The following BRF1 variants were observed in gnomAD, a reference collection of about 807,000 sequenced individuals.
The protein encoded by BRF1 is BRF1 general transcription factor IIIB subunit.
A neutral mutation model predicts 81.7 loss-of-function variants in BRF1; 59 were observed. The observed-to-expected ratio is 0.72, with a 90% CI of 0.59 to 0.90. BRF1 has a LOEUF of 0.90. Ranked by LOEUF, BRF1 falls within the 40% of genes least tolerant of loss-of-function variation. BRF1 has a pLI of 0.00. For synonymous variants in BRF1, 491 were observed against 395.6 expected, an observed-to-expected ratio of 1.24 and a Z score of -2.86; for missense variants, 1,050 against 936.3, an observed-to-expected ratio of 1.12 and a Z score of -1.58.
In BRF1 at chr14:105,269,460, C is replaced by T. The variant is rs79071826; in HGVS notation, c.439+3261G>A. Among the ~76,000 whole-genome samples the T allele has an allele frequency of 2.2e-3, 328 of 152,230 alleles. No individual in the cohort carries two copies. Among genetic ancestry groups the T allele is most frequent in the Non-Finnish European group, 3.5e-3 (238 of 68,006 alleles). On this transcript the variant is annotated intron_variant, in intron 3 of 17. Coordinates refer to ENST00000547530, the MANE Select transcript of BRF1 (RefSeq NM_001519.4). The surrounding 1 kb of genome is among the most constrained non-coding windows in gnomAD (Gnocchi z 5.0). ...CACAGTGCACCGGGCAGTGGGTTTTCGTAAATCCCCAGAGCTGAGCAACCA... is the reference window on the plus strand; with the variant it reads ...CACAGTGCACCGGGCAGTGGGTTTTTGTAAATCCCCAGAGCTGAGCAACCA...
rs931009943 is a variant in BRF1 at position 105,226,348 on chromosome 14, C to T, written c.916-58G>A. ...GGGAGGCCCTGGTGCACAGCGCAGC[C>T]TCTGGGGTGCCGCGTGGGCCCCAGG... On this transcript the variant is annotated intron_variant, in intron 8 of 17. Coordinates refer to ENST00000547530, the MANE Select transcript of BRF1 (RefSeq NM_001519.4). 1.9e-6 allele frequency: 3 copies of T among 1,609,786 alleles called. No individual in the cohort carries two copies. The Admixed American group carries it at 5.0e-5, about 27-fold the overall frequency.
chr14:105,225,635 G>C (rs747627107), intron 10 of BRF1, among the ~76,000 whole-genome samples: 2 of 147,820 alleles, frequency 1.4e-5, no homozygotes, highest in Non-Finnish European at 3.0e-5. Context: ...GTCTTTTGTA[G>C]GGGAAACTTA....
chr14:105,219,876 C>A, intron 12 of BRF1, 193 bp downstream of exon 12: 2 of 644,572 alleles, frequency 3.1e-6, no homozygotes, highest in Non-Finnish European at 5.3e-6. Context: ...AGGCCGCCCC[C>A]GAGCCGACAC....
In BRF1 at chr14:105,243,454, T is replaced by TA. The variant is rs1286861012; in HGVS notation, c.545-2041dup. 3.5e-3 allele frequency among the ~76,000 whole-genome samples: 443 copies of TA among 125,372 alleles called. 7 individuals carry two copies. The highest frequency in any genetic ancestry group is 0.011 in the East Asian group (53 of 4,636). 82.2% of individuals were successfully genotyped at this position (125,372 alleles called of 152,430 possible). ...GACAGAGCAGCAAGACTCTGTCTCT[T>TA]AAAAAAAAAAAAATAAAAATAAAAA... On this transcript the variant is annotated intron_variant, in intron 5 of 17. Transcript: ENST00000547530.
chr14:105,269,760 C>G lies in BRF1; in HGVS notation c.439+2961G>C, dbSNP rs587641938. Among the ~76,000 whole-genome samples, 4 of 152,176 alleles carry G rather than the reference C, an allele frequency of 2.6e-5. No individual in the cohort carries two copies. Among genetic ancestry groups the G allele is most frequent in the Middle Eastern group, 3.2e-3 (1 of 316 alleles). Reference sequence around the variant, plus strand: ...CATGTCCCAGGGCATCTGTCCCCCCCACAGGAGGCCCAGTGAGGCAGCAGC... The same window carrying G: ...CATGTCCCAGGGCATCTGTCCCCCCGACAGGAGGCCCAGTGAGGCAGCAGC... On this transcript the variant is annotated intron_variant, in intron 3 of 17. Transcript: ENST00000547530. This position sits in a 1 kb window ranked among gnomAD's most constrained non-coding sequence, Gnocchi z 5.0.
Position 105,229,258 on chromosome 14 carries a change from G to A in BRF1, c.695-345C>T, listed in dbSNP as rs776423802. Among the ~76,000 whole-genome samples, 16 of 152,340 alleles carry A rather than the reference G, an allele frequency of 1.1e-4. No individual in the cohort carries two copies. The East Asian group carries it at 1.5e-3, about 15-fold the overall frequency. On this transcript the variant is annotated intron_variant, in intron 6 of 17. Coordinates refer to ENST00000547530, the MANE Select transcript of BRF1 (RefSeq NM_001519.4). ...TGGGAGCTGGGGACTCTGAGGATGCGGAGCCAGGCTGGGCAGGAAAGGGGC... is the reference window on the plus strand; with the variant it reads ...TGGGAGCTGGGGACTCTGAGGATGCAGAGCCAGGCTGGGCAGGAAAGGGGC...
Position 105,296,355 on chromosome 14 carries a change from T to C in BRF1, c.184+4091A>G, listed in dbSNP as rs587685820. Among the ~76,000 whole-genome samples, 5 of 151,710 alleles carry C rather than the reference T, an allele frequency of 3.3e-5. No homozygotes were observed. In the East Asian group the frequency reaches 9.7e-4, roughly 30 times the overall value. On this transcript the variant is annotated intron_variant, in intron 1 of 17. Coordinates refer to ENST00000547530, the MANE Select transcript of BRF1 (RefSeq NM_001519.4). ...CATGTAACCCCGCCTCTGCTAAAAATACAAAAAATTAGCCGGGCGTGGTGC... is the reference window on the plus strand; with the variant it reads ...CATGTAACCCCGCCTCTGCTAAAAACACAAAAAATTAGCCGGGCGTGGTGC...
chr14:105,228,868 T>A lies in BRF1; in HGVS notation c.740A>T (p.Lys247Met), dbSNP rs1705675660. 1.2e-6 allele frequency: 2 copies of A among 1,613,774 alleles called. No homozygotes were observed. The highest frequency in any genetic ancestry group is 1.7e-5 in the Admixed American group (1 of 60,010). The change falls in exon 7 of 18, where the codon AAG (lysine) becomes ATG (methionine). Residue 247 changes from lysine (K) to methionine (M), a missense_variant. Lys to Met is a moderately conservative substitution (Grantham distance 95). This residue lies in a region of BRF1 where 1,043 missense variants were observed against 915.4 expected (regional missense o/e 1.14). Transcript: ENST00000547530. ...ARMHDFRRTV[K>M]EVISVVKVCE... ...CACTTTGACCACACTGATGACCTCC[T>A]TCACAGTCCTCCTGAAGTCATGCAT...
At chr14:105,273,402 C>T (rs1429602916) in intron 2 of BRF1, among the ~76,000 whole-genome samples, 2 of 152,238 alleles carry the variant, frequency 1.3e-5, no homozygotes, top group African/African-American at 2.4e-5. Flanking sequence ...TAAGAGCCAG[C>T]CACCCGGCCT....
chr14:105,282,008 C>T (rs2057126263), intron 2 of BRF1, among the ~76,000 whole-genome samples: 1 of 152,084 alleles, frequency 6.6e-6, no homozygotes, highest in Non-Finnish European at 1.5e-5. Context: ...TGAAGAGAGC[C>T]CCACCTAGCG....
In BRF1 at chr14:105,273,028, T is replaced by C. The variant is rs746585894; in HGVS notation, c.266-134A>G. On this transcript the variant is annotated intron_variant, in intron 2 of 17. Transcript: ENST00000547530. ...TAAGTTTCTGAGCTCACTTTTTATA[T>C]GTGGGTTCCAATCACTTTTTATTTA... The C allele has an allele frequency of 2.9e-5, 29 of 1,015,312 alleles. No individual in the cohort carries two copies. In the Middle Eastern group the frequency reaches 8.2e-4, roughly 29 times the overall value. 62.9% of individuals were successfully genotyped at this position (1,015,312 alleles called of 1,614,324 possible). A position where few individuals can be genotyped will look rare whatever the true frequency, so the allele number is the denominator to read the frequency against.
At position 105,294,374 on chromosome 14, in the gene BRF1, C is replaced by T. The variant is rs587629941; in HGVS notation, c.184+6072G>A. Among the ~76,000 whole-genome samples the T allele has an allele frequency of 1.4e-4, 22 of 152,348 alleles. No individual in the cohort carries two copies. The East Asian group carries it at 3.9e-3, about 27-fold the overall frequency. ...CGGGTGACAGACTTCCAGCTCTGCACTGCTCCACACCACCATCCTCCCCCG... is the reference window on the plus strand; with the variant it reads ...CGGGTGACAGACTTCCAGCTCTGCATTGCTCCACACCACCATCCTCCCCCG... On this transcript the variant is annotated intron_variant, in intron 1 of 17. Transcript: ENST00000547530.
intron 1 of BRF1, among the ~76,000 whole-genome samples, chr14:105,313,512 C>G (rs1017920793): frequency 1.3e-5 from 2 of 152,252 alleles, no homozygotes; most frequent in Admixed American, 6.5e-5. Flanking sequence ...TGACTTTAAG[C>G]AGTCGCAGCT....
At chr14:105,264,826 G>C (rs1463276768) in intron 3 of BRF1, among the ~76,000 whole-genome samples, 1 of 151,848 alleles carries the variant, frequency 6.6e-6, no homozygotes, top group African/African-American at 2.4e-5. Context: ...GGGCAACACA[G>C]CGATATTCCA....
rs759881491 is a variant in BRF1, at chr14:105,241,347, G to C, written c.612C>G (p.Ser204=). The change falls in exon 6 of 18, where the codon TCC becomes TCG. Residue 204 remains serine (S), a synonymous_variant. Transcript: ENST00000547530. ...LEFGEKNHEV[S]MTALRLLQRM... ...TCTGTAGGAGCCTCAGGGCAGTCAT[G>C]GACACCTCGTGGTTCTTCTCCCCGA... 2 of 1,612,758 alleles carry C rather than the reference G, an allele frequency of 1.2e-6. No individual in the cohort carries two copies. The highest frequency in any genetic ancestry group is 1.7e-6 in the Non-Finnish European group (2 of 1,179,928).
At chr14:105,299,957 C>T (rs1443215243) in intron 1 of BRF1, among the ~76,000 whole-genome samples, 1 of 152,254 alleles carries the variant, frequency 6.6e-6, no homozygotes, top group Non-Finnish European at 1.5e-5. Flanking sequence ...AGTCCAGCTC[C>T]TTCCACAGGC....
At chr14:105,260,701 G>A (rs1258577933) in intron 3 of BRF1, among the ~76,000 whole-genome samples, 1 of 152,160 alleles carries the variant, frequency 6.6e-6, no homozygotes, top group East Asian at 1.9e-4. Flanking sequence ...AAAACAATGG[G>A]ATAAGTGTGT....
chr14:105,259,389 G>T (rs925654402), intron 3 of BRF1, among the ~76,000 whole-genome samples: 1 of 152,128 alleles, frequency 6.6e-6, no homozygotes, highest in Non-Finnish European at 1.5e-5. Flanking sequence ...AGGTTGCAGT[G>T]AGCTGTGATT....
chr14:105,222,674 G>C (rs1892473785), intron 10 of BRF1: 1 of 151,920 alleles, frequency 6.6e-6, no homozygotes, highest in South Asian at 2.1e-4. Flanking sequence ...TGTCGCCCAG[G>C]CTGGAGTGCA....
Sources: allele counts gnomAD v4.1 joint callset (sites outside exome capture counted in the v4.1 genomes callset), GRCh38; gene constraint gnomAD v4.1.1; regional missense constraint gnomAD v4.1.1; non-coding constraint Gnocchi (gnomAD v3.1); transcripts MANE v1.5; gene names NCBI Gene and HGNC (gene_info 2026-07-23, HGNC 2026-07-21).